The following CLNK variants were observed in gnomAD, a reference collection of about 807,000 sequenced individuals.
The protein encoded by CLNK is cytokine-dependent hematopoietic cell linker.
CLNK carries 74 observed loss-of-function variants against 68.6 expected under a neutral mutation model. The ratio of observed to expected loss-of-function variants is 1.08; its 90% CI spans 0.89 to 1.31. The LOEUF (loss-of-function observed/expected upper bound fraction) is 1.31. Among genes scored for constraint, CLNK ranks in the 50% most tolerant of loss-of-function variants. The pLI is 0.00. For missense variants in CLNK, 553 were observed against 515.3 expected (o/e 1.07, Z -0.71); for synonymous variants, 198 against 172.2 (o/e 1.15, Z -1.17).
At chr4:10,629,182 G>A (rs912697145) in intron 2 of CLNK, among the ~76,000 whole-genome samples, 2 of 152,074 alleles carry the variant, frequency 1.3e-5, no homozygotes, top group African/African-American at 4.8e-5. Flanking sequence ...GAGGGCTCCC[G>A]TGTCACCTAA....
At chr4:10,570,547 A>G (rs1720303471) in intron 5 of CLNK, among the ~76,000 whole-genome samples, 2 of 151,988 alleles carry the variant, frequency 1.3e-5, no homozygotes, top group East Asian at 1.9e-4. Flanking sequence ...AATTTTTACA[A>G]TTTTTGTGTG....
chr4:10,515,514 A>T (rs189534480), intron 15 of CLNK, among the ~76,000 whole-genome samples: 2 of 152,262 alleles, frequency 1.3e-5, no homozygotes, highest in Admixed American at 1.3e-4. Context: ...TAACCCAAAG[A>T]ATGACTGACA....
chr4:10,552,024 C>G (rs531119481), intron 8 of CLNK, among the ~76,000 whole-genome samples: 3 of 151,692 alleles, frequency 2.0e-5, no homozygotes, highest in Non-Finnish European at 4.4e-5. Flanking sequence ...ATTTTTTGTG[C>G]TTTTTTATTT....
intron 4 of CLNK, among the ~76,000 whole-genome samples, chr4:10,574,299 C>T (rs984339253): frequency 2.0e-5 from 3 of 152,174 alleles, no homozygotes; most frequent in Admixed American, 6.5e-5. Flanking sequence ...AAACTGTAGT[C>T]AGGCTACCTT....
chr4:10,725,636 A>T, the CLNK span, among the ~76,000 whole-genome samples: 2 of 152,242 alleles, frequency 1.3e-5, no homozygotes, highest in African/African-American at 4.8e-5. Context: ...GGCGGATCAC[A>T]AGGTCAGGAG....
At chr4:10,726,391 T>C in the CLNK span, among the ~76,000 whole-genome samples, 61 of 152,312 alleles carry the variant, frequency 4.0e-4, no homozygotes, top group Middle Eastern at 6.8e-3. Flanking sequence ...AGTGCTGGGA[T>C]TATAGGCGTG....
upstream of CLNK, among the ~76,000 whole-genome samples, chr4:10,689,744 C>CCTTTTTTTTTT (rs1560280654): frequency 3.7e-5 from 1 of 26,922 alleles, no homozygotes; most frequent in Non-Finnish European, 1.0e-4. Flanking sequence ...AAAACCCATG[C>CCTTTTTTTTTT]ATTTTTTTTT....
intron 1 of CLNK, among the ~76,000 whole-genome samples, chr4:10,670,646 C>T (rs9790471): frequency 0.34 from 51,572 of 152,032 alleles, 8,822 homozygotes; most frequent in East Asian, 0.45. Context: ...GTTTCTTCAC[C>T]TGAAAAATGA....
At chr4:10,545,840 T>A (rs570350653) in intron 8 of CLNK, among the ~76,000 whole-genome samples, 1 of 152,196 alleles carries the variant, frequency 6.6e-6, no homozygotes, top group African/African-American at 2.4e-5. Flanking sequence ...ACACAGATAC[T>A]GCCAAGGTTT....
intron 5 of CLNK, among the ~76,000 whole-genome samples, chr4:10,571,525 G>C (rs572940125): frequency 6.6e-6 from 1 of 151,858 alleles, no homozygotes; most frequent in East Asian, 1.9e-4. Flanking sequence ...TAGTAGAAAC[G>C]GGGTTTCCTC....
chr4:10,720,783 C>G, the CLNK span, among the ~76,000 whole-genome samples: 4 of 150,618 alleles, frequency 2.7e-5, no homozygotes, highest in African/African-American at 4.9e-5. Flanking sequence ...CGCTGGAAAA[C>G]AGCTTGACAG....
At chr4:10,554,408 T>C (rs2108816198) in intron 8 of CLNK, among the ~76,000 whole-genome samples, 1 of 152,360 alleles carries the variant, frequency 6.6e-6, no homozygotes, top group South Asian at 2.1e-4. Flanking sequence ...CTGGAGCTTC[T>C]TTTATTAAAT....
chr4:10,558,885 T>G (rs188446864), intron 7 of CLNK, among the ~76,000 whole-genome samples: 1 of 152,246 alleles, frequency 6.6e-6, no homozygotes, highest in Non-Finnish European at 1.5e-5. Context: ...GGGTTAGGAT[T>G]CCACCTCCAG....
chr4:10,546,847 C>T (rs1719252464), intron 8 of CLNK, among the ~76,000 whole-genome samples: 1 of 151,960 alleles, frequency 6.6e-6, no homozygotes, highest in East Asian at 1.9e-4. Flanking sequence ...GCTAAGAAAA[C>T]CAAGGTTTAG....
At chr4:10,677,541 GGGA>G (rs1382578953) in intron 1 of CLNK, among the ~76,000 whole-genome samples, 2 of 152,080 alleles carry the variant, frequency 1.3e-5, no homozygotes, top group Non-Finnish European at 2.9e-5. Flanking sequence ...TGCTGAGGGA[GGGA>G]GGAGGTGATT....
At chr4:10,680,782 T>G (rs1026508309) in intron 1 of CLNK, among the ~76,000 whole-genome samples, 5 of 152,152 alleles carry the variant, frequency 3.3e-5, no homozygotes, top group African/African-American at 1.2e-4. Flanking sequence ...ATAACTTGTC[T>G]AAAACCATAT....
intron 8 of CLNK, among the ~76,000 whole-genome samples, chr4:10,555,063 G>T (rs2108816546): frequency 6.6e-6 from 1 of 152,276 alleles, no homozygotes; most frequent in South Asian, 2.1e-4. Flanking sequence ...ACTCATTTCT[G>T]ATTCTAATTT....
At chr4:10,689,537 G>C (rs1725388426), upstream of CLNK, among the ~76,000 whole-genome samples, 1 of 152,070 alleles carries the variant, frequency 6.6e-6, no homozygotes, top group South Asian at 2.1e-4. Flanking sequence ...CATCCCTTCA[G>C]CTGGTCGTGA....
At chr4:10,719,397 AAAAG>A in the CLNK span, among the ~76,000 whole-genome samples, 1 of 152,216 alleles carries the variant, frequency 6.6e-6, no homozygotes, top group Admixed American at 6.5e-5. Flanking sequence ...AAGATTAATC[AAAAG>A]AAAGAGTGAC....
Sources: allele counts gnomAD v4.1 joint callset (sites outside exome capture counted in the v4.1 genomes callset), GRCh38; gene constraint gnomAD v4.1.1; transcripts MANE v1.5; gene names NCBI Gene and HGNC (gene_info 2026-07-23, HGNC 2026-07-21).